Variants in EPHA7 observed in about 807,000 individuals in gnomAD.
EPHA7 encodes ephrin type-A receptor 7.
A neutral mutation model predicts 112.6 loss-of-function variants in EPHA7; 25 were observed. The observed-to-expected ratio is 0.22, with a 90% CI of 0.16 to 0.31. EPHA7 has a LOEUF of 0.31. Among genes scored for constraint, EPHA7 ranks in the 10% least tolerant of loss-of-function variants. The probability of loss-of-function intolerance (pLI) is 1.00; values close to 1 mark genes in which losing one functional copy is unlikely to be tolerated. For synonymous variants in EPHA7, 437 were observed against 406.5 expected, an observed-to-expected ratio of 1.07 and a Z score of -0.90; for missense variants, 962 against 1,212.6, an observed-to-expected ratio of 0.79 and a Z score of 3.07.
chr6:93,259,250 A>G (rs1334447099), intron 10 of EPHA7, 104 bp downstream of exon 10: 6 of 1,437,422 alleles, frequency 4.2e-6, no homozygotes, highest in African/African-American at 1.4e-5. Flanking sequence ...GGTAAATGCA[A>G]AAGTTCTATA....
chr6:93,299,919 A>C (rs1051490929), intron 5 of EPHA7, among the ~76,000 whole-genome samples: 1 of 152,186 alleles, frequency 6.6e-6, no homozygotes, highest in Non-Finnish European at 1.5e-5. Context: ...TGGGAGCTAA[A>C]GGATGGGAAC....
chr6:93,408,408 AC>A (rs1778818299), intron 3 of EPHA7, among the ~76,000 whole-genome samples: 1 of 152,054 alleles, frequency 6.6e-6, no homozygotes, highest in African/African-American at 2.4e-5. Flanking sequence ...ATATTTCTCT[AC>A]TTACCCAGTG....
intron 1 of EPHA7, among the ~76,000 whole-genome samples, chr6:93,417,057 C>G (rs1182177393): frequency 6.6e-6 from 1 of 152,120 alleles, no homozygotes; most frequent in Admixed American, 6.5e-5. Flanking sequence ...AGCATCTCCT[C>G]TGAGGAAGAG....
At chr6:93,277,948 C>G (rs897136044) in intron 5 of EPHA7, among the ~76,000 whole-genome samples, 24 of 151,916 alleles carry the variant, frequency 1.6e-4, no homozygotes, top group African/African-American at 5.8e-4. Context: ...ATCAATATAT[C>G]TTCAGTAGAG....
At chr6:93,381,045 C>T (rs1777309322) in intron 3 of EPHA7, among the ~76,000 whole-genome samples, 2 of 152,126 alleles carry the variant, frequency 1.3e-5, no homozygotes, top group Admixed American at 1.3e-4. Flanking sequence ...TGAATATTTT[C>T]AGATATATCT....
At chr6:93,253,858 G>A (rs1030271506) in intron 14 of EPHA7, among the ~76,000 whole-genome samples, 1 of 151,870 alleles carries the variant, frequency 6.6e-6, no homozygotes, top group African/African-American at 2.4e-5. Context: ...ATTTCAATAG[G>A]TTGAACTATA....
At chr6:93,247,131 G>C in intron 14 of EPHA7, 146 bp from the exon 15 acceptor site, 1 of 695,714 alleles carries the variant, frequency 1.4e-6, no homozygotes, top group Non-Finnish European at 2.3e-6. Flanking sequence ...AAATTTCCAT[G>C]AATATTAAGC....
At chr6:93,249,263 A>G (rs148668896) in intron 14 of EPHA7, among the ~76,000 whole-genome samples, 361 of 152,328 alleles carry the variant, frequency 2.4e-3, no homozygotes, top group African/African-American at 8.2e-3. Context: ...TCACAAATAT[A>G]TAAGTACAGG....
intron 8 of EPHA7, among the ~76,000 whole-genome samples, chr6:93,264,138 G>T (rs1427670791): frequency 2.0e-5 from 3 of 151,426 alleles, no homozygotes; most frequent in Non-Finnish European, 4.4e-5. Flanking sequence ...AATACATTTA[G>T]ATTGAATACA....
At chr6:93,400,550 A>C (rs1011573966) in intron 3 of EPHA7, among the ~76,000 whole-genome samples, 3 of 151,978 alleles carry the variant, frequency 2.0e-5, no homozygotes, top group African/African-American at 7.2e-5. Flanking sequence ...TGTTTTGTTT[A>C]GAAACAAGGT....
chr6:93,272,614 AAT>A (rs977319176), intron 5 of EPHA7, among the ~76,000 whole-genome samples, 192 bp from the exon 6 acceptor site: 7 of 151,970 alleles, frequency 4.6e-5, no homozygotes, highest in African/African-American at 1.7e-4. Context: ...CCTTAATAGA[AAT>A]TTAAATTAAA....
intron 9 of EPHA7, among the ~76,000 whole-genome samples, chr6:93,262,176 G>T (rs1284908469): frequency 1.3e-5 from 2 of 151,442 alleles, no homozygotes; most frequent in African/African-American, 4.8e-5. Context: ...GTTTTGATCT[G>T]CTCCTTCCTG....
chr6:93,369,846 T>C (rs1776698861), intron 3 of EPHA7, among the ~76,000 whole-genome samples: 1 of 152,196 alleles, frequency 6.6e-6, no homozygotes, highest in Admixed American at 6.5e-5. Context: ...GGTGACACCA[T>C]CCCACTTACC....
At chr6:93,336,081 A>C (rs2127911376) in intron 5 of EPHA7, among the ~76,000 whole-genome samples, 1 of 152,270 alleles carries the variant, frequency 6.6e-6, no homozygotes, top group Non-Finnish European at 1.5e-5. Flanking sequence ...GTGTTTAAAA[A>C]ATAGTTCATG....
At chr6:93,406,461 A>C (rs1430230809) in intron 3 of EPHA7, among the ~76,000 whole-genome samples, 1 of 151,934 alleles carries the variant, frequency 6.6e-6, no homozygotes, top group Admixed American at 6.6e-5. Flanking sequence ...TTTAGTAACT[A>C]AAATCTACTG....
At chr6:93,261,167 A>G (rs1017516150) in intron 9 of EPHA7, among the ~76,000 whole-genome samples, 14 of 151,712 alleles carry the variant, frequency 9.2e-5, no homozygotes, top group African/African-American at 2.9e-4. Context: ...GGAGGAAACA[A>G]AATGTAAATT....
chr6:93,269,348 T>TATGTACATATAA, intron 7 of EPHA7, 129 bp downstream of exon 7: 5 of 632,438 alleles, frequency 7.9e-6, no homozygotes, highest in Non-Finnish European at 1.2e-5. Flanking sequence ...AGTACATTTA[T>TATGTACATATAA]ATGTACATAT....
intron 3 of EPHA7, among the ~76,000 whole-genome samples, chr6:93,396,741 T>G (rs1778193035): frequency 6.6e-6 from 1 of 151,792 alleles, no homozygotes; most frequent in Non-Finnish European, 1.5e-5. Context: ...CCATACAAAA[T>G]ATAACAATAT....
At chr6:93,369,078 A>G (rs1179316113) in intron 3 of EPHA7, among the ~76,000 whole-genome samples, 1 of 151,996 alleles carries the variant, frequency 6.6e-6, no homozygotes, top group Non-Finnish European at 1.5e-5. Context: ...GAAAATAACA[A>G]GCAGAATAAA....
Sources: allele counts gnomAD v4.1 joint callset (sites outside exome capture counted in the v4.1 genomes callset), GRCh38; gene constraint gnomAD v4.1.1; transcripts MANE v1.5; gene names NCBI Gene and HGNC (gene_info 2026-07-23, HGNC 2026-07-21).